Variants in C1orf21 observed in about 807,000 individuals in gnomAD.
C1orf21 encodes uncharacterized protein C1orf21.
Under a neutral mutation model 18.7 loss-of-function variants are expected in C1orf21, and 3 were observed. The observed-to-expected ratio is 0.16, with a 90% CI of 0.07 to 0.42. C1orf21 has a LOEUF of 0.42. C1orf21 is among the 10% of genes least tolerant of loss of function. The probability of loss-of-function intolerance (pLI) is 0.99; values close to 1 mark genes in which losing one functional copy is unlikely to be tolerated. For missense variants in C1orf21, 104 were observed against 143.6 expected (o/e 0.72, Z 1.41); for synonymous variants, 41 against 46.4 (o/e 0.88, Z 0.47).
Position 184,607,764 on chromosome 1 carries a change from T to G in C1orf21, c.327+9303T>G, listed in dbSNP as rs573745952. Among the ~76,000 whole-genome samples, 9 of 151,586 alleles carry G rather than the reference T, an allele frequency of 5.9e-5. 1 individual carries two copies. The South Asian group carries it at 1.0e-3, about 17-fold the overall frequency. On this transcript the variant is annotated intron_variant, in intron 5 of 5. Transcript: ENST00000235307. Reference sequence around the variant, plus strand: ...ATGTGTGTGTATATATATACATATATAGAGAGAAAGAGTCACAATTATAGA... The same window carrying G: ...ATGTGTGTGTATATATATACATATAGAGAGAGAAAGAGTCACAATTATAGA...
At chr1:184,582,977 T>G (rs767007372) in intron 3 of C1orf21, among the ~76,000 whole-genome samples, 5 of 152,170 alleles carry the variant, frequency 3.3e-5, no homozygotes, top group Admixed American at 2.0e-4. Context: ...TAGCTGGGAT[T>G]ACAGGCACAC....
chr1:184,541,885 G>A (rs2101977850), intron 3 of C1orf21, among the ~76,000 whole-genome samples: 1 of 152,292 alleles, frequency 6.6e-6, no homozygotes, highest in East Asian at 1.9e-4. Flanking sequence ...AAGGTGACAG[G>A]ATTCAGTGTG....
intron 4 of C1orf21, among the ~76,000 whole-genome samples, chr1:184,594,286 C>T (rs1659484657): frequency 1.3e-5 from 2 of 152,092 alleles, no homozygotes; most frequent in Non-Finnish European, 2.9e-5. Context: ...CAGGAACCCA[C>T]CTAGTAATTT....
chr1:184,610,542 A>G (rs1458250135), intron 5 of C1orf21, among the ~76,000 whole-genome samples: 2 of 152,158 alleles, frequency 1.3e-5, no homozygotes, highest in African/African-American at 4.8e-5. Context: ...AAAGCTTGAA[A>G]AGTACGTGGC....
At chr1:184,450,404 C>T (rs1535135) in intron 1 of C1orf21, among the ~76,000 whole-genome samples, 48,682 of 151,932 alleles carry the variant, frequency 0.32, 10,266 homozygotes, top group African/African-American at 0.61. Context: ...CAGGGAGGGC[C>T]ACTCATGATA....
chr1:184,597,940 G>A (rs1158930579), intron 4 of C1orf21, among the ~76,000 whole-genome samples: 2 of 152,074 alleles, frequency 1.3e-5, no homozygotes, highest in African/African-American at 4.8e-5. Flanking sequence ...GTTTGCCACC[G>A]GCCCACACCC....
At chr1:184,414,877 T>C (rs1656423655) in intron 1 of C1orf21, among the ~76,000 whole-genome samples, 1 of 152,160 alleles carries the variant, frequency 6.6e-6, no homozygotes, top group African/African-American at 2.4e-5. Flanking sequence ...AATTATGTAA[T>C]GTTTTCTTCT....
At chr1:184,542,352 A>G (rs1402324800) in intron 3 of C1orf21, among the ~76,000 whole-genome samples, 1 of 152,216 alleles carries the variant, frequency 6.6e-6, no homozygotes, top group Non-Finnish European at 1.5e-5. Context: ...ACACTTAGGT[A>G]ACTTGCCTGG....
At chr1:184,574,473 C>T (rs543932452) in intron 3 of C1orf21, among the ~76,000 whole-genome samples, 106 of 152,272 alleles carry the variant, frequency 7.0e-4, no homozygotes, top group African/African-American at 2.4e-3. Flanking sequence ...TAAAGGATTA[C>T]GTATTTATGT....
At chr1:184,565,806 A>T (rs1042356803) in intron 3 of C1orf21, among the ~76,000 whole-genome samples, 6 of 152,258 alleles carry the variant, frequency 3.9e-5, no homozygotes, top group Non-Finnish European at 8.8e-5. Flanking sequence ...GACCAAACTT[A>T]TACAGATCAC....
At position 184,399,367 on chromosome 1, in the gene C1orf21, T is replaced by C. The variant is rs1215494175; in HGVS notation, c.-125+11999T>C. Among the ~76,000 whole-genome samples, 38 of 146,344 alleles carry C rather than the reference T, an allele frequency of 2.6e-4. 1 individual carries two copies. Among genetic ancestry groups the C allele is most frequent in the African/African-American group, 8.9e-4 (36 of 40,324 alleles). On this transcript the variant is annotated intron_variant, in intron 1 of 5. Transcript: ENST00000235307. ...TGTTATGTACTTCTATTTTTTTTTT[T>C]TTTTTTTTTTTTTGAGACAAGGTCT...
At chr1:184,520,132 C>G (rs1191941498) in intron 3 of C1orf21, among the ~76,000 whole-genome samples, 1 of 152,092 alleles carries the variant, frequency 6.6e-6, no homozygotes, top group Non-Finnish European at 1.5e-5. Context: ...TAACAGATGC[C>G]AAATTTCTTC....
chr1:184,619,454 T>G (rs1659881954), intron 5 of C1orf21, 64 bp from the exon 6 acceptor site: 5 of 1,539,932 alleles, frequency 3.2e-6, no homozygotes, highest in Non-Finnish European at 4.5e-6. Flanking sequence ...TGATTACAAG[T>G]AACTATTTCA....
chr1:184,448,664 G>A (rs956922315), intron 1 of C1orf21, among the ~76,000 whole-genome samples: 1 of 152,132 alleles, frequency 6.6e-6, no homozygotes, highest in Non-Finnish European at 1.5e-5. Context: ...CCTTCTCTAG[G>A]TGTGTAGGCA....
chr1:184,530,934 TG>T (rs1339315440), intron 3 of C1orf21, among the ~76,000 whole-genome samples: 3 of 152,112 alleles, frequency 2.0e-5, no homozygotes, highest in African/African-American at 7.2e-5. Context: ...AGAAACATTT[TG>T]GGATACCTAC....
In C1orf21 at chr1:184,387,852, C is replaced by T. The variant is rs1423742503; in HGVS notation, c.-125+484C>T. On this transcript the variant is annotated intron_variant, in intron 1 of 5. Coordinates refer to ENST00000235307, the MANE Select transcript of C1orf21 (RefSeq NM_030806.4). This position sits in a 1 kb window ranked among gnomAD's most constrained non-coding sequence, Gnocchi z 5.6. ...AAGTATCCAAGTCCCTTCTCTCGCT[C>T]CGACTGATTGATGTGTTTGTGTGGG... Among the ~76,000 whole-genome samples the T allele has an allele frequency of 6.6e-6, 1 of 152,216 alleles. No homozygotes were observed. The highest frequency in any genetic ancestry group is 6.5e-5 in the Admixed American group (1 of 15,284).
chr1:184,556,803 G>A (rs999851578), intron 3 of C1orf21, among the ~76,000 whole-genome samples: 1 of 152,074 alleles, frequency 6.6e-6, no homozygotes, highest in Admixed American at 6.6e-5. Context: ...GTTAAGGAGG[G>A]TGACTATAAT....
intron 5 of C1orf21, among the ~76,000 whole-genome samples, chr1:184,618,509 T>A (rs1462114567): frequency 6.6e-6 from 1 of 152,080 alleles, no homozygotes; most frequent in Non-Finnish European, 1.5e-5. Context: ...TGTAAAATAT[T>A]TCTGTTATAT....
At chr1:184,461,342 G>A (rs1663945748) in intron 1 of C1orf21, among the ~76,000 whole-genome samples, 2 of 152,188 alleles carry the variant, frequency 1.3e-5, no homozygotes, top group Admixed American at 1.3e-4. Context: ...TTGGTTTTAA[G>A]CATACCAAAT....
Sources: allele counts gnomAD v4.1 joint callset (sites outside exome capture counted in the v4.1 genomes callset), GRCh38; gene constraint gnomAD v4.1.1; non-coding constraint Gnocchi (gnomAD v3.1); transcripts MANE v1.5; gene names NCBI Gene and HGNC (gene_info 2026-07-23, HGNC 2026-07-21).